Variants in RUSC2 observed in about 807,000 individuals in gnomAD.
RUSC2 encodes the protein RUN and SH3 domain containing 2.
Under a neutral mutation model 122.2 loss-of-function variants are expected in RUSC2, and 34 were observed. The observed-to-expected ratio is 0.28, with a 90% CI of 0.21 to 0.37. The LOEUF is 0.37. Among genes scored for constraint, RUSC2 ranks in the 10% least tolerant of loss-of-function variants. The probability of loss-of-function intolerance (pLI) is 1.00; values close to 1 mark genes in which losing one functional copy is unlikely to be tolerated. For synonymous variants in RUSC2, 784 were observed against 790.0 expected, an observed-to-expected ratio of 0.99 and a Z score of 0.13; for missense variants, 1,747 against 1,952.4, an observed-to-expected ratio of 0.89 and a Z score of 1.98.
At chr9:35,560,911 C>CGGGCAGAGCCCATCCT (rs753193939) in intron 10 of RUSC2, 49 bp from the exon 11 acceptor site, 3 of 1,595,272 alleles carry the variant, frequency 1.9e-6, no homozygotes, top group African/African-American at 2.7e-5. Context: ...AGCCAGGGCA[C>CGGGCAGAGCCCATCCT]GGGCAGAGCC....
intron 1 of RUSC2, among the ~76,000 whole-genome samples, chr9:35,524,413 C>T (rs1237325726): frequency 6.6e-6 from 1 of 152,182 alleles, no homozygotes. Flanking sequence ...TTGATGGGAA[C>T]AGGTTATTTA....
At chr9:35,499,763 A>G (rs1286313246) in intron 1 of RUSC2, among the ~76,000 whole-genome samples, 1 of 152,172 alleles carries the variant, frequency 6.6e-6, no homozygotes, top group Non-Finnish European at 1.5e-5. Flanking sequence ...ACTTAGGGAA[A>G]ATGGACATTT....
At chr9:35,554,357 A>C (rs549229729) in intron 2 of RUSC2, among the ~76,000 whole-genome samples, 1 of 152,328 alleles carries the variant, frequency 6.6e-6, no homozygotes, top group Non-Finnish European at 1.5e-5. Context: ...CAATGCCAGG[A>C]TCGTGAAAAG....
intron 2 of RUSC2, among the ~76,000 whole-genome samples, chr9:35,552,610 A>G (rs1821922367): frequency 6.6e-6 from 1 of 152,242 alleles, no homozygotes; most frequent in Admixed American, 6.5e-5. Flanking sequence ...GGATTCATTC[A>G]TAGACTCCAG....
At position 35,560,407 on chromosome 9, in the gene RUSC2, G is replaced by A; in HGVS notation, c.3767G>A (p.Gly1256Asp). Residue 1256 changes from glycine (G) to aspartate (D), a missense_variant, in exon 10 of 12, where the codon GGC becomes GAC. Transcript: ENST00000361226. Reference protein sequence around the residue: ...ETEEVAEAAGGSGRARWARGG... With the variant: ...ETEEVAEAAGDSGRARWARGG... ...GAAGAGGTGGCAGAGGCAGCCGGGG[G>A]CTCAGGGCGTGCCAGGTGGGCCCGA... 1 of 1,614,130 alleles carries A rather than the reference G, an allele frequency of 6.2e-7. No individual in the cohort carries two copies. Among genetic ancestry groups the A allele is most frequent in the South Asian group, 1.1e-5 (1 of 91,080 alleles).
rs1465642599 is a variant in RUSC2, at chr9:35,544,436, T to C, written c.-92-1994T>C. Among the ~76,000 whole-genome samples, 7 of 150,638 alleles carry C rather than the reference T, an allele frequency of 4.6e-5. No individual in the cohort carries two copies. The East Asian group carries it at 1.4e-3, about 30-fold the overall frequency. ...GATTCTCCTGCCTCAGCCTCCCAAG[T>C]AGCTGGGATTACAGGCATGCACTAC... On this transcript the variant is annotated intron_variant, in intron 1 of 11. Coordinates refer to ENST00000361226, the MANE Select transcript of RUSC2 (RefSeq NM_014806.5).
rs751194742 is a variant in RUSC2 at position 35,547,260 on chromosome 9, G to A, written c.739G>A (p.Asp247Asn). ...PRNPGCSGSGDQHCRCSSTSS... is the reference protein window; with the variant it reads ...PRNPGCSGSGNQHCRCSSTSS... ...GAACCCTGGATGCTCCGGCTCAGGG[G>A]ACCAGCACTGCCGCTGCAGTAGCAC... Residue 247 changes from aspartate (D) to asparagine (N), a missense_variant, in exon 2 of 12, where the codon GAC (aspartate) becomes AAC (asparagine). Coordinates refer to ENST00000361226, the MANE Select transcript of RUSC2 (RefSeq NM_014806.5). This position sits in a 1 kb window ranked among gnomAD's most constrained non-coding sequence, Gnocchi z 4.6. 3.7e-6 allele frequency: 6 copies of A among 1,614,040 alleles called. No individual in the cohort carries two copies. Among genetic ancestry groups the A allele is most frequent in the South Asian group, 3.3e-5 (3 of 91,080 alleles).
chr9:35,531,260 CAAA>C (rs201948661), intron 1 of RUSC2, among the ~76,000 whole-genome samples: 1 of 146,428 alleles, frequency 6.8e-6, no homozygotes, highest in African/African-American at 2.5e-5. Context: ...GACTCTCTCT[CAAA>C]AAAAAAAGAA....
chr9:35,508,203 A>G (rs1217945683), intron 1 of RUSC2, among the ~76,000 whole-genome samples: 1 of 152,100 alleles, frequency 6.6e-6, no homozygotes, highest in Non-Finnish European at 1.5e-5. Context: ...TCTCCTCTCT[A>G]GTTGGAGGAA....
intron 1 of RUSC2, among the ~76,000 whole-genome samples, chr9:35,497,519 A>G (rs887314046): frequency 6.6e-6 from 1 of 152,166 alleles, no homozygotes; most frequent in African/African-American, 2.4e-5. Context: ...CGAATACTAT[A>G]TGCTACTTCT....
At chr9:35,526,997 T>G (rs539153320) in intron 1 of RUSC2, among the ~76,000 whole-genome samples, 5 of 152,360 alleles carry the variant, frequency 3.3e-5, no homozygotes, top group African/African-American at 1.2e-4. Flanking sequence ...TCATTCTATC[T>G]TATCTCTTAA....
intron 1 of RUSC2, chr9:35,507,580 A>C (rs1244350876): frequency 4.1e-5 from 9 of 220,842 alleles, no homozygotes; most frequent in Non-Finnish European, 8.5e-5. Context: ...AATGTTCCCC[A>C]AACCCACCAG....
intron 1 of RUSC2, among the ~76,000 whole-genome samples, chr9:35,515,636 TC>T (rs941088531): frequency 1.5e-4 from 23 of 152,294 alleles, no homozygotes; most frequent in Admixed American, 1.4e-3. Context: ...CTCTGCAAGA[TC>T]CTCAGTTTCC....
At chr9:35,530,499 A>G (rs1821399057) in intron 1 of RUSC2, among the ~76,000 whole-genome samples, 1 of 152,220 alleles carries the variant, frequency 6.6e-6, no homozygotes, top group African/African-American at 2.4e-5. Flanking sequence ...CCACATCCTT[A>G]AAATGAAGGG....
chr9:35,561,457 A>G lies in RUSC2; in HGVS notation c.*75A>G, dbSNP rs1822174229. The G allele has an allele frequency of 2.3e-6, 3 of 1,308,786 alleles. No individual in the cohort carries two copies. Among genetic ancestry groups the G allele is most frequent in the Non-Finnish European group, 3.2e-6 (3 of 942,426 alleles). The allele number at this position is 1,308,786 out of a possible 1,614,324, so 81.1% of individuals were successfully genotyped here. A position where few individuals can be genotyped will look rare whatever the true frequency, so the allele number is the denominator to read the frequency against. ...AGAGCCCGAGAGCCCTTCCCAAGCC[A>G]TTGGCTTGGCTGCAGAGTAGACTGA... On this transcript the variant is annotated 3_prime_UTR_variant, in exon 12 of 12. Transcript: ENST00000361226.
chr9:35,561,588 A>C lies in RUSC2; in HGVS notation c.*206A>C. ...CCTTGTCCAGACCTCCACCCAGGAG[A>C]GGGATGGGACACAGCACTGGGCTGC... On this transcript the variant is annotated 3_prime_UTR_variant, in exon 12 of 12. Coordinates refer to ENST00000361226, the MANE Select transcript of RUSC2 (RefSeq NM_014806.5). 1 of 596,026 alleles carries C rather than the reference A, an allele frequency of 1.7e-6. No homozygotes were observed. Among genetic ancestry groups the C allele is most frequent in the Non-Finnish European group, 3.0e-6 (1 of 337,734 alleles). The allele number at this position is 596,026 out of a possible 1,614,324, so 36.9% of individuals were successfully genotyped here.
rs1341133557 is a variant in RUSC2, at chr9:35,560,593, G to A, written c.3953G>A (p.Arg1318Gln). 15 of 1,613,444 alleles carry A rather than the reference G, an allele frequency of 9.3e-6. No individual in the cohort carries two copies. The highest frequency in any genetic ancestry group is 1.3e-5 in the African/African-American group (1 of 74,938). ...GGACCTCCCCAGGCTCCACCACCCC[G>A]AGAGGGAGTAGTGGAGGGGGCTGAG... ...GGGPPQAPPP[R>Q]EGVVEGAEAC... The change falls in exon 10 of 12, where the codon CGA becomes CAA. Residue 1318 changes from arginine (R) to glutamine (Q), a missense_variant. By Grantham distance (43) the Arg-to-Gln change is conservative. Transcript: ENST00000361226.
At chr9:35,498,123 C>A (rs1265094764) in intron 1 of RUSC2, among the ~76,000 whole-genome samples, 1 of 150,566 alleles carries the variant, frequency 6.6e-6, no homozygotes, top group East Asian at 1.9e-4. Flanking sequence ...CATACAAGAT[C>A]GTGTAACCTT....
In RUSC2 at chr9:35,546,987, G is replaced by C. The variant is rs775247435; in HGVS notation, c.466G>C (p.Gly156Arg). The stretch of plus-strand genomic sequence containing the variant: ...GCTGCCACCATCTGGCCCCAGAGTG[G>C]GCAGGCCATGGGGGACAACACGCAG... ...FQLPPSGPRV[G>R]RPWGTTRSRA... Residue 156 changes from glycine to arginine, a missense_variant, in exon 2 of 12, where the codon GGC becomes CGC. By Grantham distance (125) the Gly-to-Arg change is moderately radical. Transcript: ENST00000361226. The surrounding 1 kb of genome is among the most constrained non-coding windows in gnomAD (Gnocchi z 4.3). The C allele has an allele frequency of 6.3e-7, 1 of 1,594,968 alleles. No homozygotes were observed. The highest frequency in any genetic ancestry group is 1.1e-5 in the South Asian group (1 of 87,622).
Sources: allele counts gnomAD v4.1 joint callset (sites outside exome capture counted in the v4.1 genomes callset), GRCh38; gene constraint gnomAD v4.1.1; non-coding constraint Gnocchi (gnomAD v3.1); transcripts MANE v1.5; gene names NCBI Gene and HGNC (gene_info 2026-07-23, HGNC 2026-07-21).